Variants in FRMD4B observed in about 807,000 individuals in gnomAD.
The protein encoded by FRMD4B is FERM domain containing 4B, also known as FERM domain-containing protein 4B.
A neutral mutation model predicts 141.5 loss-of-function variants in FRMD4B; 74 were observed. The ratio of observed to expected loss-of-function variants is 0.52; its 90% CI spans 0.43 to 0.63. FRMD4B has a LOEUF of 0.63. FRMD4B is among the 30% of genes least tolerant of loss of function. The pLI is 0.00. For synonymous variants in FRMD4B, 506 were observed against 467.9 expected, an observed-to-expected ratio of 1.08 and a Z score of -1.05; for missense variants, 1,366 against 1,253.4, an observed-to-expected ratio of 1.09 and a Z score of -1.36.
At chr3:69,536,455 A>C in intron 1 of FRMD4B, 1 of 704,938 alleles carries the variant, frequency 1.4e-6, no homozygotes, top group Non-Finnish European at 2.6e-6. Context: ...GTACTTGTGC[A>C]GGATGTAGAG....
chr3:69,213,552 T>A (rs1463513842), intron 11 of FRMD4B, among the ~76,000 whole-genome samples: 1 of 152,114 alleles, frequency 6.6e-6, no homozygotes, highest in African/African-American at 2.4e-5. Context: ...TTCCTTAAAT[T>A]GATCTTGGTC....
At chr3:69,540,634 A>ATAT (rs1252554981) in intron 1 of FRMD4B, among the ~76,000 whole-genome samples, 306 of 68,858 alleles carry the variant, frequency 4.4e-3, no homozygotes, top group African/African-American at 6.0e-3. Flanking sequence ...AAAAAAAAAA[A>ATAT]AAATATATAT....
At chr3:69,460,063 C>G (rs1280959616) in intron 1 of FRMD4B, among the ~76,000 whole-genome samples, 3 of 152,206 alleles carry the variant, frequency 2.0e-5, no homozygotes, top group Non-Finnish European at 4.4e-5. Flanking sequence ...AAATGATTCT[C>G]TGTCAGCACG....
chr3:69,176,594 C>T lies in FRMD4B; in HGVS notation c.2914G>A (p.Glu972Lys), dbSNP rs752568667. The T allele has an allele frequency of 4.4e-5, 71 of 1,606,224 alleles. No homozygotes were observed. Among genetic ancestry groups the T allele is most frequent in the Non-Finnish European group, 5.5e-5 (65 of 1,172,846 alleles). ...TQLTIGLSDY[E>K]TPAHSSYTSC... ...GTGTAAGAAGAATGTGCTGGAGTCT[C>T]GTAATCCGACAGCCCTATGGTTAAC... is the stretch of plus-strand genomic sequence containing the variant. Residue 972 changes from glutamate (E) to lysine (K), a missense_variant, in exon 22 of 23, where the codon GAG (glutamate) becomes AAG (lysine). Glu to Lys is a moderately conservative substitution (Grantham distance 56). Coordinates refer to ENST00000398540, the MANE Select transcript of FRMD4B (RefSeq NM_015123.3).
Position 69,323,608 on chromosome 3 carries a change from G to GTGTATATA in FRMD4B, c.163-10092_163-10091insTATATACA, listed in dbSNP as rs1263800285. Among the ~76,000 whole-genome samples, 7 of 101,700 alleles carry GTGTATATA rather than the reference G, an allele frequency of 6.9e-5. No individual in the cohort carries two copies. In the East Asian group the frequency reaches 1.6e-3, roughly 23 times the overall value. 66.7% of individuals were successfully genotyped at this position (101,700 alleles called of 152,430 possible). The stretch of plus-strand genomic sequence containing the variant: ...CCCAACTCTCTCTCTCTCTCTCTGT[G>GTGTATATA]TATATATATATATATATATATATAT... On this transcript the variant is annotated intron_variant, in intron 1 of 22. Transcript: ENST00000398540.
At chr3:69,250,719 A>G (rs1204489979) in intron 5 of FRMD4B, among the ~76,000 whole-genome samples, 1 of 148,646 alleles carries the variant, frequency 6.7e-6, no homozygotes, top group African/African-American at 2.5e-5. Context: ...CTAATTTATC[A>G]GTTTTCCTTT....
chr3:69,247,971 T>C (rs755390833), intron 7 of FRMD4B, among the ~76,000 whole-genome samples: 3 of 149,462 alleles, frequency 2.0e-5, no homozygotes, highest in Non-Finnish European at 4.4e-5. Flanking sequence ...TTTATATTTG[T>C]AGTAGAGACA....
At chr3:69,408,223 A>T (rs899144596) in intron 2 of FRMD4B, among the ~76,000 whole-genome samples, 3 of 152,204 alleles carry the variant, frequency 2.0e-5, no homozygotes, top group African/African-American at 4.8e-5. Flanking sequence ...TCTAGAAAGG[A>T]ATTTAGGAGC....
chr3:69,506,698 T>C (rs975916446), intron 1 of FRMD4B, among the ~76,000 whole-genome samples: 1 of 151,900 alleles, frequency 6.6e-6, no homozygotes, highest in Non-Finnish European at 1.5e-5. Context: ...CACACCCAGC[T>C]ACAGCTAATT....
In FRMD4B at chr3:69,196,881, A is replaced by T. The variant is rs1474392855; in HGVS notation, c.1092+19T>A. ...CAAAAGGGGAATCTGTCCCTATAGA[A>T]ATGATGCCAGTTACTTACTTTGCTT... On this transcript the variant is annotated intron_variant, in intron 13 of 22. Coordinates refer to ENST00000398540, the MANE Select transcript of FRMD4B (RefSeq NM_015123.3). The T allele has an allele frequency of 6.3e-7, 1 of 1,590,308 alleles. No individual in the cohort carries two copies. The highest frequency in any genetic ancestry group is 2.2e-5 in the East Asian group (1 of 44,758).
At chr3:69,314,603 T>C (rs909216294) in intron 1 of FRMD4B, among the ~76,000 whole-genome samples, 1 of 144,280 alleles carries the variant, frequency 6.9e-6, no homozygotes, top group Admixed American at 7.0e-5. Context: ...GGGGGGCCAA[T>C]CAGGGTAGAT....
intron 2 of FRMD4B, among the ~76,000 whole-genome samples, chr3:69,395,440 T>C (rs79955987): frequency 1.8e-3 from 275 of 152,260 alleles, no homozygotes; most frequent in African/African-American, 6.6e-3. Flanking sequence ...GCTTGCAAAG[T>C]ATTAAAATAT....
intron 1 of FRMD4B, among the ~76,000 whole-genome samples, chr3:69,327,322 A>T (rs989401455): frequency 6.6e-6 from 1 of 152,222 alleles, no homozygotes; most frequent in Admixed American, 6.5e-5. Context: ...AGATATTGAA[A>T]ATAAACTGCA....
chr3:69,498,519 A>G (rs563350960), intron 1 of FRMD4B, among the ~76,000 whole-genome samples: 2 of 152,322 alleles, frequency 1.3e-5, no homozygotes, highest in East Asian at 3.9e-4. Context: ...CATGCTCTTC[A>G]AGGTATTGAG....
chr3:69,492,989 G>A (rs914824302), intron 1 of FRMD4B, among the ~76,000 whole-genome samples: 1 of 152,182 alleles, frequency 6.6e-6, no homozygotes, highest in African/African-American at 2.4e-5. Flanking sequence ...AGTCTCAGGT[G>A]CTCCATTAGG....
At chr3:69,242,476 G>A (rs1267986021) in intron 7 of FRMD4B, among the ~76,000 whole-genome samples, 2 of 111,662 alleles carry the variant, frequency 1.8e-5, no homozygotes, top group African/African-American at 7.0e-5. Flanking sequence ...GGAAATAGCT[G>A]CATTTTTTTT....
At position 69,218,308 on chromosome 3, in the gene FRMD4B, G is replaced by A. The variant is rs1200891471; in HGVS notation, c.789+14C>T. 8.7e-6 allele frequency: 12 copies of A among 1,386,384 alleles called. No homozygotes were observed. The highest frequency in any genetic ancestry group is 1.8e-5 in the Admixed American group (1 of 55,662). The allele number at this position is 1,386,384 out of a possible 1,614,324, so 85.9% of individuals were successfully genotyped here. ...TCAATCATCACGAAAGCTTTGTCAT[G>A]TAAAATTACTTACCTTTACTGCATA... On this transcript the variant is annotated intron_variant, in intron 10 of 22. Transcript: ENST00000398540.
At chr3:69,478,905 T>C (rs1376704006) in intron 1 of FRMD4B, among the ~76,000 whole-genome samples, 19 of 151,312 alleles carry the variant, frequency 1.3e-4, no homozygotes, top group Non-Finnish European at 2.7e-4. Context: ...TGGGTGCATA[T>C]ATATTTAGGA....
chr3:69,463,010 C>T (rs1016838297), intron 1 of FRMD4B, among the ~76,000 whole-genome samples: 1 of 152,220 alleles, frequency 6.6e-6, no homozygotes, highest in African/African-American at 2.4e-5. Flanking sequence ...CTCACACCTG[C>T]TTCCCTGGGA....
Sources: allele counts gnomAD v4.1 joint callset (sites outside exome capture counted in the v4.1 genomes callset), GRCh38; gene constraint gnomAD v4.1.1; transcripts MANE v1.5; gene names NCBI Gene and HGNC (gene_info 2026-07-23, HGNC 2026-07-21).